Variants in PARD3B observed in about 807,000 individuals in gnomAD.
PARD3B encodes the protein partitioning defective 3 homolog B.
Under a neutral mutation model 130.2 loss-of-function variants are expected in PARD3B, and 103 were observed. That is an observed-to-expected ratio of 0.79 (90% CI 0.67 to 0.93). The LOEUF (loss-of-function observed/expected upper bound fraction) is 0.93. Ranked by LOEUF, PARD3B falls within the 40% of genes least tolerant of loss-of-function variation. The pLI, the probability that PARD3B is intolerant of heterozygous loss-of-function variation, is 0.00. For synonymous variants in PARD3B, 583 were observed against 553.2 expected, an observed-to-expected ratio of 1.05 and a Z score of -0.76; for missense variants, 1,609 against 1,499.2, an observed-to-expected ratio of 1.07 and a Z score of -1.21.
intron 3 of PARD3B, among the ~76,000 whole-genome samples, chr2:204,985,974 G>A (rs1467427200): frequency 1.3e-5 from 2 of 151,732 alleles, no homozygotes; most frequent in Non-Finnish European, 2.9e-5. Flanking sequence ...GATGGCAGGC[G>A]CCTGTAGCCC....
At position 204,988,634 on chromosome 2, in the gene PARD3B, TTAAAAA is replaced by T. The variant is rs1412088931; in HGVS notation, c.394+23322_394+23327del. ...TATACCTATTGTGTACCCACAATAA[TTAAAAA>T]TAAAAATAAATGAATTTGTGACCTA... is the stretch of plus-strand genomic sequence containing the variant. On this transcript the variant is annotated intron_variant, in intron 3 of 22. Transcript: ENST00000406610. Among the ~76,000 whole-genome samples the T allele has an allele frequency of 8.5e-5, 13 of 152,154 alleles. 1 individual carries two copies. Among genetic ancestry groups the T allele is most frequent in the Admixed American group, 3.9e-4 (6 of 15,286 alleles).
At chr2:205,033,004 C>T (rs1341180200) in intron 3 of PARD3B, among the ~76,000 whole-genome samples, 2 of 152,182 alleles carry the variant, frequency 1.3e-5, no homozygotes, top group Non-Finnish European at 2.9e-5. Context: ...GGCCTGAAGG[C>T]ATTGCTCATT....
intron 3 of PARD3B, among the ~76,000 whole-genome samples, chr2:205,018,282 A>G (rs1261278250): frequency 6.6e-6 from 1 of 152,178 alleles, no homozygotes; most frequent in East Asian, 1.9e-4. Context: ...ATAAACAGAT[A>G]TGATATATCT....
At chr2:205,064,885 C>T (rs1700270206) in intron 4 of PARD3B, among the ~76,000 whole-genome samples, 1 of 152,138 alleles carries the variant, frequency 6.6e-6, no homozygotes, top group African/African-American at 2.4e-5. Context: ...AATTTGAAAG[C>T]ACTGTTTCTC....
At chr2:205,106,597 A>G (rs942444383) in intron 5 of PARD3B, among the ~76,000 whole-genome samples, 2 of 151,946 alleles carry the variant, frequency 1.3e-5, no homozygotes, top group Admixed American at 1.3e-4. Context: ...TTAAGGAACT[A>G]CAATTCATAG....
intron 2 of PARD3B, among the ~76,000 whole-genome samples, chr2:204,793,701 G>T (rs1418663904): frequency 6.6e-6 from 1 of 152,000 alleles, no homozygotes; most frequent in African/African-American, 2.4e-5. Flanking sequence ...TTGAGATGGG[G>T]TTTCACTGTG....
chr2:205,106,941 A>G (rs13389161), intron 5 of PARD3B, among the ~76,000 whole-genome samples: 9,767 of 152,220 alleles, frequency 0.064, 372 homozygotes, highest in Middle Eastern at 0.19. Context: ...TGAGATGAAA[A>G]ACAGTTGAAG....
chr2:204,874,668 G>A (rs1291485004), intron 2 of PARD3B, among the ~76,000 whole-genome samples: 2 of 152,034 alleles, frequency 1.3e-5, no homozygotes, highest in Non-Finnish European at 2.9e-5. Flanking sequence ...AGTCACATGT[G>A]TCACCACCAC....
chr2:205,235,967 G>T (rs558764254), intron 15 of PARD3B, among the ~76,000 whole-genome samples: 6 of 152,166 alleles, frequency 3.9e-5, no homozygotes, highest in African/African-American at 1.4e-4. Context: ...TAACCAGACT[G>T]ATTAGTATAA....
chr2:204,730,058 ATAGT>A (rs201059182), intron 2 of PARD3B, among the ~76,000 whole-genome samples: 2,596 of 149,964 alleles, frequency 0.017, 31 homozygotes, highest in Middle Eastern at 0.073. Flanking sequence ...TGGGTTTTGC[ATAGT>A]TAATTTCTTT....
chr2:205,196,557 CTTCT>C (rs1292750632), intron 15 of PARD3B, among the ~76,000 whole-genome samples: 1 of 152,012 alleles, frequency 6.6e-6, no homozygotes, highest in Non-Finnish European at 1.5e-5. Flanking sequence ...TTCATCATTT[CTTCT>C]TTTGTGACAT....
intron 20 of PARD3B, among the ~76,000 whole-genome samples, chr2:205,475,846 A>G (rs537725409): frequency 6.6e-6 from 1 of 152,142 alleles, no homozygotes; most frequent in Non-Finnish European, 1.5e-5. Context: ...AAAGCCTCTG[A>G]TTTGGTGCAG....
chr2:205,156,686 A>G (rs1056221823), intron 10 of PARD3B, among the ~76,000 whole-genome samples: 3 of 152,188 alleles, frequency 2.0e-5, no homozygotes, highest in Admixed American at 6.5e-5. Flanking sequence ...GGACATGACA[A>G]TAAACCTCAC....
At chr2:205,249,256 T>TTA (rs2039731720) in intron 16 of PARD3B, among the ~76,000 whole-genome samples, 1 of 151,638 alleles carries the variant, frequency 6.6e-6, no homozygotes, top group South Asian at 2.1e-4. Flanking sequence ...TGAGCAGCTT[T>TTA]TATACTATCC....
chr2:205,237,573 A>G (rs986360304), intron 15 of PARD3B, among the ~76,000 whole-genome samples: 2 of 152,236 alleles, frequency 1.3e-5, no homozygotes, highest in Non-Finnish European at 2.9e-5. Context: ...GGTTGAAAGA[A>G]GAGCTGTTTG....
chr2:205,464,968 C>T (rs888329618), intron 20 of PARD3B, among the ~76,000 whole-genome samples: 2 of 152,170 alleles, frequency 1.3e-5, no homozygotes, highest in Non-Finnish European at 2.9e-5. Context: ...AGCAGTGTGC[C>T]TGGTAATGGT....
At chr2:205,459,285 A>T (rs1412067022) in intron 20 of PARD3B, among the ~76,000 whole-genome samples, 1 of 152,110 alleles carries the variant, frequency 6.6e-6, no homozygotes, top group Admixed American at 6.5e-5. Context: ...CAATGCCTTC[A>T]AGTAGTTTTT....
At chr2:205,329,364 G>A (rs2043036046) in intron 18 of PARD3B, among the ~76,000 whole-genome samples, 1 of 152,108 alleles carries the variant, frequency 6.6e-6, no homozygotes, top group African/African-American at 2.4e-5. Context: ...ACAGTTTTGG[G>A]GCAATATTCA....
intron 6 of PARD3B, 74 bp from the exon 7 acceptor site, chr2:205,118,847 G>T: frequency 9.5e-7 from 1 of 1,050,308 alleles, no homozygotes; most frequent in South Asian, 2.0e-5. Flanking sequence ...ATGTATTTCT[G>T]AATAGTTGCA....
Sources: gnomAD v4.1 joint callset for allele counts (sites outside exome capture counted in the v4.1 genomes callset) on GRCh38, gnomAD v4.1.1 for gene constraint, MANE v1.5 for transcripts, NCBI Gene and HGNC (gene_info 2026-07-23, HGNC 2026-07-21) for gene names.